Variants in PYGL observed in about 807,000 individuals in gnomAD.
The protein encoded by PYGL is glycogen phosphorylase, liver form.
PYGL carries 90 observed loss-of-function variants against 100.1 expected under a neutral mutation model. That is an observed-to-expected ratio of 0.90 (90% CI 0.76 to 1.07). PYGL has a LOEUF of 1.07. Among genes scored for constraint, PYGL ranks in the 50% least tolerant of loss-of-function variants. The pLI is 0.00. For synonymous variants in PYGL, 373 were observed against 393.0 expected, an observed-to-expected ratio of 0.95 and a Z score of 0.60; for missense variants, 1,016 against 1,057.6, an observed-to-expected ratio of 0.96 and a Z score of 0.55.
chr14:50,931,685 T>G lies in PYGL; in HGVS notation c.516A>C (p.Arg172=), dbSNP rs767670129. ...YEYGIFNQKI[R]DGWQVEEADD... ...ATGGCTCACACACCTGCCATCCATC[T>G]CGGATCTTCTGATTGAAAATCCCAT... Residue 172 remains arginine, a synonymous_variant, in exon 4 of 20, where the codon CGA becomes CGC. Coordinates refer to ENST00000216392, the MANE Select transcript of PYGL (RefSeq NM_002863.5). 6.2e-7 allele frequency: 1 copy of G among 1,613,620 alleles called. No homozygotes were observed. Among genetic ancestry groups the G allele is most frequent in the Non-Finnish European group, 8.5e-7 (1 of 1,179,570 alleles).
intron 4 of PYGL, among the ~76,000 whole-genome samples, chr14:50,927,513 C>T (rs1015732053): frequency 6.6e-6 from 1 of 152,200 alleles, no homozygotes; most frequent in Non-Finnish European, 1.5e-5. Context: ...GCGTGAGCCA[C>T]CACGATAAGC....
chr14:50,914,496 C>CAATAATAATAATAATAATAATAAT (rs58316457), intron 12 of PYGL, among the ~76,000 whole-genome samples: 67 of 148,540 alleles, frequency 4.5e-4, no homozygotes, highest in Middle Eastern at 3.5e-3. Context: ...AACTCTGTCT[C>CAATAATAATAATAATAATAATAAT]AATAATAATA....
intron 5 of PYGL, among the ~76,000 whole-genome samples, chr14:50,922,401 C>T (rs1313894765): frequency 6.6e-6 from 1 of 152,174 alleles, no homozygotes; most frequent in Non-Finnish European, 1.5e-5. Flanking sequence ...ATAAATCACC[C>T]TCATTTAAAT....
intron 16 of PYGL, among the ~76,000 whole-genome samples, chr14:50,911,488 C>T (rs939895489): frequency 4.6e-5 from 7 of 152,212 alleles, no homozygotes; most frequent in Admixed American, 1.3e-4. Context: ...CAGCACATAG[C>T]TCTCACTGGC....
At chr14:50,934,594 A>G (rs2050635291) in intron 3 of PYGL, among the ~76,000 whole-genome samples, 1 of 152,236 alleles carries the variant, frequency 6.6e-6, no homozygotes, top group Non-Finnish European at 1.5e-5. Context: ...GTGTGTGTGT[A>G]AATATGTAGA....
At chr14:50,930,011 T>C (rs2050588648) in intron 4 of PYGL, among the ~76,000 whole-genome samples, 1 of 152,236 alleles carries the variant, frequency 6.6e-6, no homozygotes, top group Non-Finnish European at 1.5e-5. Flanking sequence ...TCTAGCACTT[T>C]TCCTTTATCT....
intron 1 of PYGL, 64 bp downstream of exon 1, chr14:50,944,097 C>A (rs1343969459): frequency 6.5e-7 from 1 of 1,534,064 alleles, no homozygotes; most frequent in East Asian, 2.4e-5. Flanking sequence ...CTCGTCCCGC[C>A]CGGCCGCGGC....
At chr14:50,932,138 C>A (rs563233654) in intron 3 of PYGL, among the ~76,000 whole-genome samples, 15 of 152,266 alleles carry the variant, frequency 9.9e-5, no homozygotes, top group African/African-American at 3.6e-4. Flanking sequence ...CTAAGGGAAG[C>A]TGTCTCTATC....
intron 13 of PYGL, among the ~76,000 whole-genome samples, chr14:50,912,555 GT>G (rs1291421098): frequency 3.3e-5 from 5 of 152,194 alleles, no homozygotes; most frequent in Admixed American, 3.3e-4. Flanking sequence ...GTTGGCCAGA[GT>G]GGTCTTGAAT....
chr14:50,908,646 C>T (rs2050357865), intron 18 of PYGL, among the ~76,000 whole-genome samples, 175 bp downstream of exon 18: 1 of 152,058 alleles, frequency 6.6e-6, no homozygotes, highest in Admixed American at 6.5e-5. Context: ...AACTTTTTCC[C>T]CAAGCCTAAA....
At chr14:50,934,992 C>A in intron 3 of PYGL, 115 bp downstream of exon 3, 1 of 930,338 alleles carries the variant, frequency 1.1e-6, no homozygotes, top group South Asian at 1.3e-5. Context: ...ACAACCAGGT[C>A]ATACCTTGCG....
intron 1 of PYGL, among the ~76,000 whole-genome samples, chr14:50,939,838 T>G (rs1046691874): frequency 6.6e-6 from 1 of 152,246 alleles, no homozygotes; most frequent in Non-Finnish European, 1.5e-5. Context: ...ATTATCATAT[T>G]TAACATACTA....
intron 4 of PYGL, among the ~76,000 whole-genome samples, chr14:50,929,040 CTTATTTTATT>C (rs1055767255): frequency 4.0e-5 from 6 of 151,842 alleles, no homozygotes; most frequent in South Asian, 2.1e-4. Flanking sequence ...TTTCTTTTAT[CTTATTTTATT>C]TTATTTTATT....
chr14:50,910,117 A>T lies in PYGL; in HGVS notation c.1970-15T>A, dbSNP rs770476567. ...GGCTGGAATGACTGCAAGAAAGGTA[A>T]GTTAAAATTAGTAATTTTGTCTGTC... On this transcript the variant is annotated splice_polypyrimidine_tract_variant and intron_variant, in intron 16 of 19. Coordinates refer to ENST00000216392, the MANE Select transcript of PYGL (RefSeq NM_002863.5). The T allele has an allele frequency of 2.9e-5, 46 of 1,601,456 alleles. No homozygotes were observed. The Admixed American group carries it at 6.2e-4, about 21-fold the overall frequency.
At chr14:50,920,725 A>C (rs1289303296) in intron 6 of PYGL, 102 bp from the exon 7 acceptor site, 3 of 1,264,130 alleles carry the variant, frequency 2.4e-6, no homozygotes, top group Non-Finnish European at 3.4e-6. Context: ...TGGGATTCCT[A>C]AAATTCCTAA....
chr14:50,931,581 T>C, intron 4 of PYGL, 92 bp downstream of exon 4: 1 of 1,167,336 alleles, frequency 8.6e-7, no homozygotes, highest in Non-Finnish European at 1.3e-6. Context: ...TTAGTACAGC[T>C]CTATGTTAAA....
chr14:50,944,387 G>A lies in PYGL; in HGVS notation c.17C>T (p.Thr6Met), dbSNP rs748412122. The A allele has an allele frequency of 1.9e-6, 3 of 1,612,214 alleles. No homozygotes were observed. Among genetic ancestry groups the A allele is most frequent in the East Asian group, 2.2e-5 (1 of 44,878 alleles). Residue 6 changes from threonine (T) to methionine (M), a missense_variant, in exon 1 of 20, where the codon ACG (threonine) becomes ATG (methionine). Thr to Met is a moderately conservative substitution (Grantham distance 81, BLOSUM62 -1). Coordinates refer to ENST00000216392, the MANE Select transcript of PYGL (RefSeq NM_002863.5). Reference sequence around the variant, plus strand: ...GATCTGCCGCCGCTTCTCCTGGTCCGTCAGGGGCTTCGCCATGGCTGGGGC... The same window carrying A: ...GATCTGCCGCCGCTTCTCCTGGTCCATCAGGGGCTTCGCCATGGCTGGGGC... MAKPL[T>M]DQEKRRQISI...
At chr14:50,925,808 G>A (rs1596043891) in intron 4 of PYGL, among the ~76,000 whole-genome samples, 1 of 152,318 alleles carries the variant, frequency 6.6e-6, no homozygotes, top group South Asian at 2.1e-4. Context: ...AGGAGTTAGA[G>A]AGCCACTGGA....
rs1375277660 is a variant in PYGL at position 50,915,259 on chromosome 14, G to A, written c.1403+77C>T. 6 of 1,538,174 alleles carry A rather than the reference G, an allele frequency of 3.9e-6. No individual in the cohort carries two copies. In the African/African-American group the frequency reaches 6.9e-5, roughly 18 times the overall value. On this transcript the variant is annotated intron_variant, in intron 11 of 19. Transcript: ENST00000216392. ...GAACAAGGCCTTTCCTCATCCCTAA[G>A]TGCAACCCTGCATTTAGTAGCATCA...
Sources: allele counts gnomAD v4.1 joint callset (sites outside exome capture counted in the v4.1 genomes callset), GRCh38; gene constraint gnomAD v4.1.1; transcripts MANE v1.5; gene names NCBI Gene and HGNC (gene_info 2026-07-23, HGNC 2026-07-21).